The following LINGO2 variants were observed in gnomAD, a reference collection of about 807,000 sequenced individuals.
LINGO2 encodes the protein leucine-rich repeat and immunoglobulin-like domain-containing nogo receptor-interacting protein 2.
LINGO2 carries 14 observed loss-of-function variants against 30.6 expected under a neutral mutation model. The ratio of observed to expected loss-of-function variants is 0.46; its 90% CI spans 0.30 to 0.72. The LOEUF (loss-of-function observed/expected upper bound fraction) is 0.72, where lower values mean the gene tolerates loss of function less well. Among genes scored for constraint, LINGO2 ranks in the 30% least tolerant of loss-of-function variants. The pLI is 0.07. For synonymous variants in LINGO2, 317 were observed against 288.5 expected (o/e 1.10, Z -1.00); for missense variants, 729 against 751.7 (o/e 0.97, Z 0.35).
intron 4 of LINGO2, among the ~76,000 whole-genome samples, chr9:28,117,788 A>C (rs1012658254): frequency 1.6e-4 from 24 of 150,720 alleles, no homozygotes; most frequent in East Asian, 1.2e-3. Context: ...GTGCGCACAC[A>C]CACTGGCCTG....
the LINGO2 span, among the ~76,000 whole-genome samples, chr9:29,036,313 T>C: frequency 1.3e-5 from 2 of 152,118 alleles, no homozygotes; most frequent in Admixed American, 1.3e-4. Flanking sequence ...CAAACACTCC[T>C]ATGAAATTTG....
the LINGO2 span, among the ~76,000 whole-genome samples, chr9:28,911,190 TAAC>T: frequency 6.6e-6 from 1 of 151,968 alleles, no homozygotes; most frequent in Non-Finnish European, 1.5e-5. Flanking sequence ...ATATAAGAGG[TAAC>T]AAAATGCATA....
chr9:28,824,987 A>G, the LINGO2 span, among the ~76,000 whole-genome samples: 1 of 152,108 alleles, frequency 6.6e-6, no homozygotes, highest in Non-Finnish European at 1.5e-5. Context: ...AACTCCTAAG[A>G]ATATGGTTTG....
intron 5 of LINGO2, among the ~76,000 whole-genome samples, chr9:27,987,355 G>A (rs1821174046): frequency 6.6e-6 from 1 of 151,182 alleles, no homozygotes; most frequent in Non-Finnish European, 1.5e-5. Flanking sequence ...TTCTCACTAT[G>A]TTACCTAGGC....
At chr9:28,663,515 G>A (rs1476380776) in intron 1 of LINGO2, among the ~76,000 whole-genome samples, 6 of 152,048 alleles carry the variant, frequency 3.9e-5, no homozygotes, top group Non-Finnish European at 8.8e-5. Flanking sequence ...CTGTGAGAAT[G>A]GCATGCAACA....
At chr9:28,084,335 C>A (rs1257299731) in intron 4 of LINGO2, among the ~76,000 whole-genome samples, 1 of 151,992 alleles carries the variant, frequency 6.6e-6, no homozygotes, top group Non-Finnish European at 1.5e-5. Flanking sequence ...AGGTGCTGAG[C>A]TCTCACATGG....
chr9:28,711,799 T>C, the LINGO2 span, among the ~76,000 whole-genome samples: 1 of 152,094 alleles, frequency 6.6e-6, no homozygotes, highest in African/African-American at 2.4e-5. Context: ...AGCCAATTAA[T>C]CAAACACATT....
chr9:28,723,692 T>C, the LINGO2 span, among the ~76,000 whole-genome samples: 1 of 152,242 alleles, frequency 6.6e-6, no homozygotes, highest in South Asian at 2.1e-4. Flanking sequence ...GAAAGTGCAG[T>C]CCTCTTTCCT....
the LINGO2 span, among the ~76,000 whole-genome samples, chr9:29,083,248 C>T: frequency 7.2e-5 from 11 of 152,084 alleles, no homozygotes; most frequent in African/African-American, 2.4e-4. Flanking sequence ...GAATACCATG[C>T]AGCCATAAAA....
chr9:28,587,370 C>A (rs563225454), intron 1 of LINGO2, among the ~76,000 whole-genome samples: 1 of 152,122 alleles, frequency 6.6e-6, no homozygotes, highest in African/African-American at 2.4e-5. Context: ...GTGGAGCAGA[C>A]AAAGAGATTG....
intron 2 of LINGO2, among the ~76,000 whole-genome samples, chr9:28,432,441 C>T (rs1017385013): frequency 6.6e-6 from 1 of 151,520 alleles, no homozygotes; most frequent in African/African-American, 2.4e-5. Context: ...ATTTCAACTG[C>T]AATTTCAAGA....
chr9:28,206,998 G>A (rs1171237577), intron 4 of LINGO2, among the ~76,000 whole-genome samples: 3 of 152,110 alleles, frequency 2.0e-5, no homozygotes, highest in African/African-American at 4.8e-5. Context: ...TGTGGGCATA[G>A]ATAAATATTT....
chr9:28,094,896 C>T (rs917157931), intron 4 of LINGO2, among the ~76,000 whole-genome samples: 2 of 152,064 alleles, frequency 1.3e-5, no homozygotes, highest in Admixed American at 1.3e-4. Flanking sequence ...GCATAATGCA[C>T]TCTACATGGC....
chr9:28,393,791 G>T (rs1025983403), intron 2 of LINGO2, among the ~76,000 whole-genome samples: 2 of 152,128 alleles, frequency 1.3e-5, no homozygotes, highest in African/African-American at 4.8e-5. Flanking sequence ...TAGCAGGGCA[G>T]GTCAAAGGTG....
At chr9:28,306,606 C>CA (rs1824368783) in intron 3 of LINGO2, among the ~76,000 whole-genome samples, 1 of 151,902 alleles carries the variant, frequency 6.6e-6, no homozygotes, top group Non-Finnish European at 1.5e-5. Flanking sequence ...AATAGAGACA[C>CA]AAAAAACCCT....
intron 4 of LINGO2, among the ~76,000 whole-genome samples, chr9:28,072,307 C>A (rs1825502953): frequency 6.6e-6 from 1 of 152,200 alleles, no homozygotes; most frequent in Non-Finnish European, 1.5e-5. Flanking sequence ...GCACACATTT[C>A]AACCTTCTTT....
At chr9:28,470,646 C>A (rs1002529630) in intron 2 of LINGO2, among the ~76,000 whole-genome samples, 2 of 152,070 alleles carry the variant, frequency 1.3e-5, no homozygotes, top group Non-Finnish European at 2.9e-5. Flanking sequence ...TGCAATCATT[C>A]TCCTGCAACA....
At chr9:28,557,651 A>G (rs909507020) in intron 1 of LINGO2, among the ~76,000 whole-genome samples, 2 of 151,776 alleles carry the variant, frequency 1.3e-5, no homozygotes, top group African/African-American at 4.8e-5. Context: ...TACTGGGTAT[A>G]TACCCAAAGG....
At chr9:28,456,813 ACT>A (rs1465093984) in intron 2 of LINGO2, among the ~76,000 whole-genome samples, 1 of 151,970 alleles carries the variant, frequency 6.6e-6, no homozygotes, top group African/African-American at 2.4e-5. Flanking sequence ...TTTGGAGAAA[ACT>A]CTTGTGTCGT....
Sources: allele counts gnomAD v4.1 joint callset (sites outside exome capture counted in the v4.1 genomes callset), GRCh38; gene constraint gnomAD v4.1.1; transcripts MANE v1.5; gene names NCBI Gene and HGNC (gene_info 2026-07-23, HGNC 2026-07-21).